The following UBE4B variants were observed in gnomAD, a reference collection of about 807,000 sequenced individuals.
The protein encoded by UBE4B is ubiquitination factor E4B, also known as ubiquitin conjugation factor E4 B.
In UBE4B, 27 loss-of-function variants were observed where a neutral mutation model predicts 148.1. The ratio of observed to expected loss-of-function variants is 0.18; its 90% CI spans 0.13 to 0.25. The LOEUF (loss-of-function observed/expected upper bound fraction) is 0.25. UBE4B is among the 10% of genes least tolerant of loss of function. The probability of loss-of-function intolerance (pLI) is 1.00; values close to 1 mark genes in which losing one functional copy is unlikely to be tolerated. For synonymous variants in UBE4B, 596 were observed against 619.3 expected, an observed-to-expected ratio of 0.96 and a Z score of 0.56; for missense variants, 1,170 against 1,662.4, an observed-to-expected ratio of 0.70 and a Z score of 5.15.
At chr1:10,079,112 T>C (rs1644632422) in intron 2 of UBE4B, among the ~76,000 whole-genome samples, 1 of 152,162 alleles carries the variant, frequency 6.6e-6, no homozygotes, top group Non-Finnish European at 1.5e-5. Flanking sequence ...GAGTTCTCCA[T>C]TGTTTTCATT....
intron 3 of UBE4B, among the ~76,000 whole-genome samples, chr1:10,099,053 A>G (rs1209071109): frequency 6.6e-6 from 1 of 152,152 alleles, no homozygotes; most frequent in African/African-American, 2.4e-5. Context: ...AGCCTAGCCA[A>G]CATGGTAAAA....
At chr1:10,042,149 C>T (rs923067591) in intron 1 of UBE4B, among the ~76,000 whole-genome samples, 1 of 152,162 alleles carries the variant, frequency 6.6e-6, no homozygotes, top group African/African-American at 2.4e-5. Context: ...TGGAGCTCAT[C>T]AAGTAGCCCC....
At position 10,106,446 on chromosome 1, in the gene UBE4B, C is replaced by A. The variant is rs1234030142; in HGVS notation, c.1059C>A (p.Pro353=). The change falls in exon 7 of 28, where the codon CCC becomes CCA. Residue 353 remains proline (P), a synonymous_variant. Transcript: ENST00000343090. The surrounding 1 kb of genome is among the most constrained non-coding windows in gnomAD (Gnocchi z 4.2). ...CCATTCTGTCGAGCTCCCCAAGTCC[C>A]CCTGCCCTCGCCAGTAGCCCCCAAG... The part of the protein sequence containing the change: ...GVSILSSSPS[P]PALASSPQAV... The A allele has an allele frequency of 6.2e-7, 1 of 1,613,978 alleles. No individual in the cohort carries two copies. Among genetic ancestry groups the A allele is most frequent in the East Asian group, 2.2e-5 (1 of 44,872 alleles).
At position 10,106,274 on chromosome 1, in the gene UBE4B, C is replaced by T; in HGVS notation, c.887C>T (p.Pro296Leu). 6.2e-7 allele frequency: 1 copy of T among 1,614,146 alleles called. No homozygotes were observed. Among genetic ancestry groups the T allele is most frequent in the Non-Finnish European group, 8.5e-7 (1 of 1,180,004 alleles). The part of the protein sequence containing the change: ...VPVMGPSLAS[P>L]SRAASQLAVP... ...GTGATGGGCCCGTCTCTTGCCTCAC[C>T]TTCCCGTGCAGCCAGCCAGTTGGCT... Residue 296 changes from proline to leucine, a missense_variant, in exon 7 of 28, where the codon CCT (proline) becomes CTT (leucine). Physicochemically the swap from Pro to Leu is moderately conservative, Grantham distance 98 (BLOSUM62 -3). This residue lies in a region of UBE4B where 214 missense variants were observed against 209.1 expected (regional missense o/e 1.02). Coordinates refer to ENST00000343090, the MANE Select transcript of UBE4B (RefSeq NM_001105562.3). The surrounding 1 kb of genome is among the most constrained non-coding windows in gnomAD (Gnocchi z 4.2).
At chr1:10,065,883 A>G (rs1446886405) in intron 1 of UBE4B, among the ~76,000 whole-genome samples, 3 of 152,212 alleles carry the variant, frequency 2.0e-5, no homozygotes, top group Non-Finnish European at 4.4e-5. Flanking sequence ...TAAAAAATAA[A>G]TGGAATCATT....
chr1:10,035,945 G>A lies in UBE4B; in HGVS notation c.24+2251G>A, dbSNP rs189047240. ...TTTTTAGTAGAGACGGGGTTTCACC[G>A]TGTTAGCCCAGGATGGTCTCAATCT... On this transcript the variant is annotated intron_variant, in intron 1 of 27. Transcript: ENST00000343090. Among the ~76,000 whole-genome samples the A allele has an allele frequency of 8.1e-3, 1,206 of 149,380 alleles. 12 individuals are homozygous for A. The highest frequency in any genetic ancestry group is 0.027 in the African/African-American group (1,111 of 40,764).
intron 24 of UBE4B, 108 bp from the exon 25 acceptor site, chr1:10,171,030 T>A (rs1646331682): frequency 8.3e-7 from 1 of 1,205,116 alleles, no homozygotes. Context: ...TAAGGATTCT[T>A]TGAAGATTAA....
At chr1:10,097,052 A>AAAAAAAAAAAAAAAT (rs554089049) in intron 3 of UBE4B, among the ~76,000 whole-genome samples, 1 of 138,514 alleles carries the variant, frequency 7.2e-6, no homozygotes, top group African/African-American at 2.6e-5. Flanking sequence ...AAAAAAAAAA[A>AAAAAAAAAAAAAAAT]AATAATAATA....
At chr1:10,046,118 A>G (rs141685825) in intron 1 of UBE4B, among the ~76,000 whole-genome samples, 2,628 of 152,210 alleles carry the variant, frequency 0.017, 33 homozygotes, top group Non-Finnish European at 0.027. Flanking sequence ...AGGGGAGGTC[A>G]TGTGCCTCTT....
intron 2 of UBE4B, among the ~76,000 whole-genome samples, chr1:10,091,440 T>A (rs1161363952): frequency 6.6e-6 from 1 of 151,994 alleles, no homozygotes. Context: ...TTTGTGTGTG[T>A]CCTTTTTTTT....
rs33997625 is a variant in UBE4B at position 10,102,391 on chromosome 1, C to CTTTTT, written c.436-524_436-520dup. On this transcript the variant is annotated intron_variant, in intron 4 of 27. Coordinates refer to ENST00000343090, the MANE Select transcript of UBE4B (RefSeq NM_001105562.3). The stretch of plus-strand genomic sequence containing the variant: ...GGTGACTTTTGATAATGACTTTGCT[C>CTTTTT]TTTTTTTTTTTTTTTTTTTTTTTTT... 5.8e-4 allele frequency among the ~76,000 whole-genome samples: 30 copies of CTTTTT among 51,564 alleles called. 8 individuals carry two copies. Among genetic ancestry groups the CTTTTT allele is most frequent in the African/African-American group, 1.2e-3 (19 of 16,516 alleles). 33.8% of individuals were successfully genotyped at this position (51,564 alleles called of 152,430 possible). A position where few individuals can be genotyped will look rare whatever the true frequency, so the allele number is the denominator to read the frequency against.
At chr1:10,053,138 TTTTATTTATTTA>T (rs912338273) in intron 1 of UBE4B, among the ~76,000 whole-genome samples, 15 of 151,616 alleles carry the variant, frequency 9.9e-5, no homozygotes, top group African/African-American at 2.4e-4. Context: ...CGTGCATGGC[TTTTATTTATTTA>T]TTTATTTATT....
At chr1:10,137,235 TG>T (rs1645702629) in intron 17 of UBE4B, 30 bp downstream of exon 17, 1 of 1,612,432 alleles carries the variant, frequency 6.2e-7, no homozygotes, top group Non-Finnish European at 8.5e-7. Flanking sequence ...GTCCTGGGAT[TG>T]CCTGAGTTAC....
chr1:10,140,781 A>G (rs913246240), intron 17 of UBE4B, among the ~76,000 whole-genome samples: 1 of 152,214 alleles, frequency 6.6e-6, no homozygotes, highest in Non-Finnish European at 1.5e-5. Context: ...GGGTGTGTAT[A>G]TGCGTATTGG....
At chr1:10,075,900 G>A (rs1325429791) in intron 2 of UBE4B, among the ~76,000 whole-genome samples, 3 of 151,982 alleles carry the variant, frequency 2.0e-5, no homozygotes, top group Admixed American at 1.3e-4. Context: ...AAAAATTAGC[G>A]GGGCGTGATG....
intron 1 of UBE4B, among the ~76,000 whole-genome samples, chr1:10,050,493 G>A (rs1644013251): frequency 6.6e-6 from 1 of 152,212 alleles, no homozygotes; most frequent in Non-Finnish European, 1.5e-5. Flanking sequence ...GGAGGAACGG[G>A]AAAGGGGTTT....
intron 25 of UBE4B, among the ~76,000 whole-genome samples, chr1:10,173,986 C>G (rs1311459368): frequency 1.3e-5 from 2 of 152,194 alleles, no homozygotes; most frequent in African/African-American, 4.8e-5. Context: ...TTGTAGACAG[C>G]AGTTTCTGGC....
In UBE4B at chr1:10,106,246, C is replaced by T. The variant is rs1223996573; in HGVS notation, c.859C>T (p.Pro287Ser). The T allele has an allele frequency of 1.9e-6, 3 of 1,613,668 alleles. No individual in the cohort carries two copies. The South Asian group carries it at 3.3e-5, about 18-fold the overall frequency. Residue 287 changes from proline (P) to serine (S), a missense_variant, in exon 7 of 28, where the codon CCC becomes TCC. Around this residue, in one of 6 missense-constraint regions of UBE4B, gnomAD observed 214 missense variants for 209.1 expected, o/e 1.02. Transcript: ENST00000343090. This position sits in a 1 kb window ranked among gnomAD's most constrained non-coding sequence, Gnocchi z 4.2. ...CACTCCCAGTTTCTGGAGCTCTGTT[C>T]CCGTGATGGGCCCGTCTCTTGCCTC... ...APTPSFWSSVPVMGPSLASPS... is the reference protein window; with the variant it reads ...APTPSFWSSVSVMGPSLASPS...
chr1:10,093,607 G>A (rs1644882812), intron 2 of UBE4B, among the ~76,000 whole-genome samples: 1 of 152,146 alleles, frequency 6.6e-6, no homozygotes, highest in African/African-American at 2.4e-5. Context: ...GTCATAGAAT[G>A]CTGGAAGGGT....
Sources: gnomAD v4.1 joint callset for allele counts (sites outside exome capture counted in the v4.1 genomes callset) on GRCh38, gnomAD v4.1.1 for gene constraint, gnomAD v4.1.1 regional missense constraint, Gnocchi (gnomAD v3.1) non-coding constraint, MANE v1.5 for transcripts, NCBI Gene and HGNC (gene_info 2026-07-23, HGNC 2026-07-21) for gene names.